Variants in PCDH15 observed in about 807,000 individuals in gnomAD.
PCDH15 encodes protocadherin-15.
PCDH15 carries 129 observed loss-of-function variants against 178.5 expected under a neutral mutation model. The ratio of observed to expected loss-of-function variants is 0.72; its 90% CI spans 0.63 to 0.84. The LOEUF (loss-of-function observed/expected upper bound fraction) is 0.84, where lower values mean the gene tolerates loss of function less well. Among genes scored for constraint, PCDH15 ranks in the 40% least tolerant of loss-of-function variants. The pLI, the probability that PCDH15 is intolerant of heterozygous loss-of-function variation, is 0.00. For missense variants in PCDH15, 2,230 were observed against 2,099.9 expected, an observed-to-expected ratio of 1.06 and a Z score of -1.21; for synonymous variants, 800 against 732.0, an observed-to-expected ratio of 1.09 and a Z score of -1.50.
At chr10:55,287,861 A>AT (rs1442873657) in intron 1 of PCDH15, among the ~76,000 whole-genome samples, 4 of 151,922 alleles carry the variant, frequency 2.6e-5, no homozygotes, top group Admixed American at 6.6e-5. Context: ...CACTATTCTC[A>AT]TATTTCAGCC....
intron 1 of PCDH15, among the ~76,000 whole-genome samples, chr10:54,777,733 C>T (rs60739020): frequency 0.072 from 10,974 of 151,746 alleles, 448 homozygotes; most frequent in South Asian, 0.14. Context: ...TCTGTAGCTG[C>T]CTTTTGTACT....
intron 1 of PCDH15, among the ~76,000 whole-genome samples, chr10:54,665,050 C>T (rs1484646430): frequency 6.6e-6 from 1 of 151,662 alleles, no homozygotes; most frequent in African/African-American, 2.4e-5. Context: ...GTTCAAAATG[C>T]TCTTGATTAT....
intron 2 of PCDH15, among the ~76,000 whole-genome samples, chr10:55,477,002 G>A (rs1037518856): frequency 4.6e-5 from 7 of 151,866 alleles, no homozygotes; most frequent in African/African-American, 1.7e-4. Context: ...AATAAAACAT[G>A]TGAAGTGCCA....
At chr10:54,833,583 C>G (rs1953264106) in intron 3 of PCDH15, among the ~76,000 whole-genome samples, 2 of 152,174 alleles carry the variant, frequency 1.3e-5, no homozygotes, top group Admixed American at 6.5e-5. Context: ...GAATTTTCAG[C>G]CCTACAGACC....
At chr10:54,613,066 C>T (rs192773579) in intron 2 of PCDH15, among the ~76,000 whole-genome samples, 102 of 151,614 alleles carry the variant, frequency 6.7e-4, no homozygotes, top group African/African-American at 1.9e-3. Flanking sequence ...GAAGGTTAGA[C>T]AAAAATACCG....
chr10:54,226,445 A>G (rs1189053542), intron 9 of PCDH15, among the ~76,000 whole-genome samples: 5 of 152,130 alleles, frequency 3.3e-5, no homozygotes, highest in Non-Finnish European at 7.4e-5. Flanking sequence ...CATGCCTATA[A>G]TCCCAGCACT....
chr10:55,559,095 A>T (rs1305132891), intron 2 of PCDH15, among the ~76,000 whole-genome samples: 1 of 152,040 alleles, frequency 6.6e-6, no homozygotes, highest in Non-Finnish European at 1.5e-5. Context: ...TTATAACAGT[A>T]TTTCATTCCT....
At chr10:54,379,047 T>C in intron 3 of PCDH15, 105 bp from the exon 4 acceptor site, 1 of 1,236,592 alleles carries the variant, frequency 8.1e-7, no homozygotes, top group Non-Finnish European at 1.2e-6. Flanking sequence ...GTTTTAAAGC[T>C]GAAAATACTC....
chr10:54,208,353 T>A (rs1346324867), intron 10 of PCDH15, among the ~76,000 whole-genome samples: 1 of 152,076 alleles, frequency 6.6e-6, no homozygotes. Context: ...TGGTGTGCAA[T>A]GGACTTAATA....
intron 3 of PCDH15, among the ~76,000 whole-genome samples, chr10:54,813,282 G>A (rs59344899): frequency 0.035 from 5,373 of 152,218 alleles, 276 homozygotes; most frequent in African/African-American, 0.12. Context: ...GGTTTCCCAT[G>A]GAGCAGATGA....
intron 2 of PCDH15, among the ~76,000 whole-genome samples, chr10:55,620,594 T>C (rs866741985): frequency 5.3e-5 from 8 of 152,074 alleles, no homozygotes; most frequent in Admixed American, 3.3e-4. Context: ...AGGAAAACAA[T>C]AATTCTGAGT....
intron 1 of PCDH15, among the ~76,000 whole-genome samples, chr10:54,702,466 G>C (rs983747142): frequency 6.9e-6 from 1 of 145,000 alleles, no homozygotes; most frequent in East Asian, 2.0e-4. Context: ...TGATAAGTAG[G>C]CTACTGAAAA....
chr10:55,015,251 A>T (rs557210388), intron 2 of PCDH15, among the ~76,000 whole-genome samples: 1 of 152,190 alleles, frequency 6.6e-6, no homozygotes, highest in African/African-American at 2.4e-5. Flanking sequence ...ATAAATTTAA[A>T]ATCTAGTTAG....
chr10:55,312,503 G>GT (rs1191653860), intron 1 of PCDH15, among the ~76,000 whole-genome samples: 8 of 152,004 alleles, frequency 5.3e-5, no homozygotes, highest in Admixed American at 4.6e-4. Context: ...GTAGCTTGCT[G>GT]TGTGTCTTAC....
chr10:55,133,065 T>G (rs1838095928), intron 2 of PCDH15, among the ~76,000 whole-genome samples: 1 of 152,210 alleles, frequency 6.6e-6, no homozygotes, highest in Admixed American at 6.5e-5. Flanking sequence ...CTTTGAAGAC[T>G]GATAGATCTC....
At chr10:55,350,366 G>T (rs1166600020) in intron 2 of PCDH15, among the ~76,000 whole-genome samples, 2 of 150,100 alleles carry the variant, frequency 1.3e-5, no homozygotes, top group African/African-American at 4.9e-5. Flanking sequence ...CCACCAGGGA[G>T]GTAGGAAAGT....
chr10:53,974,759 C>T (rs2090048646), intron 21 of PCDH15, among the ~76,000 whole-genome samples: 1 of 152,012 alleles, frequency 6.6e-6, no homozygotes, highest in African/African-American at 2.4e-5. Context: ...GGCGCCTCTG[C>T]CCTTTTTCTT....
At chr10:54,645,632 A>C (rs2094114142) in intron 2 of PCDH15, among the ~76,000 whole-genome samples, 1 of 152,156 alleles carries the variant, frequency 6.6e-6, no homozygotes, top group South Asian at 2.1e-4. Flanking sequence ...AGCACACAGA[A>C]TGAAGTATGT....
intron 20 of PCDH15, among the ~76,000 whole-genome samples, chr10:54,016,446 T>C (rs1180527291): frequency 3.3e-5 from 5 of 152,142 alleles, no homozygotes; most frequent in African/African-American, 1.2e-4. Flanking sequence ...TATCATGCTA[T>C]TCACAGTAAT....
Sources: gnomAD v4.1 joint callset for allele counts (sites outside exome capture counted in the v4.1 genomes callset) on GRCh38, gnomAD v4.1.1 for gene constraint, MANE v1.5 for transcripts, NCBI Gene and HGNC (gene_info 2026-07-23, HGNC 2026-07-21) for gene names.